Variants in ARHGEF10 observed in about 807,000 individuals in gnomAD.
ARHGEF10 encodes the protein Rho guanine nucleotide exchange factor 10, also known as Rho guanine nucleotide exchange factor (GEF) 10.
A neutral mutation model predicts 147.4 loss-of-function variants in ARHGEF10; 140 were observed. That is an observed-to-expected ratio of 0.95 (90% CI 0.83 to 1.09). The LOEUF (loss-of-function observed/expected upper bound fraction) is 1.09, where lower values mean the gene tolerates loss of function less well. Among genes scored for constraint, ARHGEF10 ranks in the 50% least tolerant of loss-of-function variants. ARHGEF10 has a pLI of 0.00. For missense variants in ARHGEF10, 2,222 were observed against 1,752.7 expected, an observed-to-expected ratio of 1.27 and a Z score of -4.78; for synonymous variants, 902 against 695.8, an observed-to-expected ratio of 1.30 and a Z score of -4.67.
intron 7 of ARHGEF10, chr8:1,876,227 A>T: frequency 2.9e-6 from 1 of 347,490 alleles, no homozygotes; most frequent in Non-Finnish European, 5.4e-6. Flanking sequence ...GTTTATATAA[A>T]GGAAGATTTT....
intron 19 of ARHGEF10, 173 bp downstream of exon 19, chr8:1,923,252 T>A: frequency 1.1e-6 from 1 of 884,150 alleles, no homozygotes; most frequent in Non-Finnish European, 1.7e-6. Flanking sequence ...TAATGGTAAC[T>A]TTTCTTCATT....
intron 1 of ARHGEF10, 113 bp from the exon 2 acceptor site, chr8:1,843,240 G>T: frequency 1.3e-6 from 1 of 746,352 alleles, no homozygotes; most frequent in East Asian, 2.7e-5. Flanking sequence ...ATTATGGCTA[G>T]TAATGACAGT....
chr8:1,878,096 C>T (rs372817442), intron 8 of ARHGEF10, among the ~76,000 whole-genome samples: 159 of 152,268 alleles, frequency 1.0e-3, no homozygotes, highest in African/African-American at 3.6e-3. Context: ...TACCCAGTTT[C>T]ATTCACAAGT....
At chr8:1,882,428 C>T (rs1036675264) in intron 9 of ARHGEF10, among the ~76,000 whole-genome samples, 1 of 152,198 alleles carries the variant, frequency 6.6e-6, no homozygotes, top group African/African-American at 2.4e-5. Flanking sequence ...CATGTTTCAC[C>T]ATGTCCAGGA....
At chr8:1,886,614 G>T (rs1411704469) in intron 11 of ARHGEF10, among the ~76,000 whole-genome samples, 3 of 152,216 alleles carry the variant, frequency 2.0e-5, no homozygotes, top group African/African-American at 7.2e-5. Context: ...ACGAGTGACG[G>T]GATGGAGTGT....
At chr8:1,943,246 T>C (rs1446091941) in intron 26 of ARHGEF10, among the ~76,000 whole-genome samples, 1 of 152,158 alleles carries the variant, frequency 6.6e-6, no homozygotes, top group Non-Finnish European at 1.5e-5. Flanking sequence ...TTCTTTTTAA[T>C]TTGAGTGAGA....
chr8:1,956,911 C>T lies in ARHGEF10; in HGVS notation c.3683C>T (p.Ala1228Val), dbSNP rs1047830802. The change falls in exon 29 of 29, where the codon GCT becomes GTT. Residue 1228 changes from alanine (A) to valine (V), a missense_variant. By Grantham distance (64) the Ala-to-Val change is moderately conservative. Coordinates refer to ENST00000349830, the MANE Select transcript of ARHGEF10 (RefSeq NM_014629.4). ...DQKDALPSGG[A>V]GSSLSQGDPD... ...AAGGACGCACTTCCGAGTGGAGGAG[C>T]TGGTTCATCTCTGAGCCAGGGTGAC... The T allele has an allele frequency of 6.2e-7, 1 of 1,614,186 alleles. No individual in the cohort carries two copies. Among genetic ancestry groups the T allele is most frequent in the Non-Finnish European group, 8.5e-7 (1 of 1,180,038 alleles).
At chr8:1,855,590 A>T (rs962587967) in intron 2 of ARHGEF10, among the ~76,000 whole-genome samples, 2 of 150,580 alleles carry the variant, frequency 1.3e-5, no homozygotes, top group Non-Finnish European at 3.0e-5. Context: ...GGGTTTCACT[A>T]TGTTGTCCAG....
intron 25 of ARHGEF10, among the ~76,000 whole-genome samples, chr8:1,933,200 C>T (rs1813290884): frequency 6.6e-6 from 1 of 152,136 alleles, no homozygotes; most frequent in Admixed American, 6.5e-5. Flanking sequence ...ATTTTGATTT[C>T]TTAAAGTATT....
rs1163770872 is a variant in ARHGEF10, at chr8:1,858,009, A to C, written c.87A>C (p.Glu29Asp). Residue 29 changes from glutamate to aspartate, a missense_variant, in exon 3 of 29, where the codon GAA becomes GAC. By Grantham distance (45) the Glu-to-Asp change is conservative (BLOSUM62 2). Transcript: ENST00000349830. Reference protein sequence around the residue: ...DTNNNEEEEGEQFDFDSGDEI... With the variant: ...DTNNNEEEEGDQFDFDSGDEI... ...ATAATAATGAAGAGGAAGAGGGAGA[A>C]CAGTTCGATTTTGACAGTGGAGATG... 3 of 1,614,028 alleles carry C rather than the reference A, an allele frequency of 1.9e-6. No homozygotes were observed. Among genetic ancestry groups the C allele is most frequent in the Non-Finnish European group, 2.5e-6 (3 of 1,180,014 alleles).
chr8:1,889,884 A>C lies in ARHGEF10; in HGVS notation c.1183-3685A>C, dbSNP rs1469382437. Among the ~76,000 whole-genome samples the C allele has an allele frequency of 2.2e-5, 3 of 139,068 alleles. 1 individual carries two copies. Among genetic ancestry groups the C allele is most frequent in the African/African-American group, 8.7e-5 (3 of 34,422 alleles). 91.2% of individuals were successfully genotyped at this position (139,068 alleles called of 152,430 possible). Reference sequence around the variant, plus strand: ...ACACTGAGTGTGGTGAGGGTTTGTGAGGAGACACTGCATGGGGTGAACTTT... The same window carrying C: ...ACACTGAGTGTGGTGAGGGTTTGTGCGGAGACACTGCATGGGGTGAACTTT... On this transcript the variant is annotated intron_variant, in intron 11 of 28. Coordinates refer to ENST00000349830, the MANE Select transcript of ARHGEF10 (RefSeq NM_014629.4).
At chr8:1,946,015 C>T in intron 27 of ARHGEF10, 2 of 422,232 alleles carry the variant, frequency 4.7e-6, no homozygotes, top group African/African-American at 2.0e-5. Flanking sequence ...GGCTGAAGAA[C>T]ACAGAACAGG....
chr8:1,929,911 T>G (rs1812985663), intron 25 of ARHGEF10, among the ~76,000 whole-genome samples: 1 of 152,194 alleles, frequency 6.6e-6, no homozygotes, highest in African/African-American at 2.4e-5. Flanking sequence ...CTGGGTGCCT[T>G]AGACGAGGCC....
chr8:1,935,916 G>A (rs1478373618), intron 26 of ARHGEF10, among the ~76,000 whole-genome samples: 3 of 152,218 alleles, frequency 2.0e-5, no homozygotes, highest in South Asian at 2.1e-4. Context: ...AACACTGTCC[G>A]AGCTCACTCC....
At chr8:1,875,209 G>A (rs1807586479) in intron 7 of ARHGEF10, among the ~76,000 whole-genome samples, 1 of 140,908 alleles carries the variant, frequency 7.1e-6, no homozygotes, top group African/African-American at 2.7e-5. Context: ...CGGGGATAGA[G>A]GTTCTAAGAC....
At chr8:1,955,484 G>T (rs1477002097) in intron 28 of ARHGEF10, among the ~76,000 whole-genome samples, 1 of 146,704 alleles carries the variant, frequency 6.8e-6, no homozygotes, top group Non-Finnish European at 1.5e-5. Context: ...CATCCTGAAA[G>T]GAAGTGCACT....
rs551092785 is a variant in ARHGEF10 at position 1,840,879 on chromosome 8, G to A, written c.-47-2474G>A. On this transcript the variant is annotated intron_variant, in intron 1 of 28. Coordinates refer to ENST00000349830, the MANE Select transcript of ARHGEF10 (RefSeq NM_014629.4). ...TCACGGGTGCTGCTGGGGTGGAGAGGGTGGGCCCCTACCGCCTCACGGGTG... is the reference window on the plus strand; with the variant it reads ...TCACGGGTGCTGCTGGGGTGGAGAGAGTGGGCCCCTACCGCCTCACGGGTG... 4.6e-5 allele frequency among the ~76,000 whole-genome samples: 7 copies of A among 152,292 alleles called. No individual in the cohort carries two copies. In the South Asian group the frequency reaches 1.2e-3, roughly 27 times the overall value.
chr8:1,894,443 G>A lies in ARHGEF10; in HGVS notation c.1311G>A (p.Arg437=). The A allele has an allele frequency of 1.9e-6, 3 of 1,614,232 alleles. No individual in the cohort carries two copies. The highest frequency in any genetic ancestry group is 2.5e-6 in the Non-Finnish European group (3 of 1,180,052). Reference sequence around the variant, plus strand: ...TGGAGCCAAAGGTTCTGAGTGAGAGGAAGCTGAAGACGGTGTTCTACCGAG... The same window carrying A: ...TGGAGCCAAAGGTTCTGAGTGAGAGAAAGCTGAAGACGGTGTTCTACCGAG... ...SEMEPKVLSE[R]KLKTVFYRVK... Residue 437 remains arginine (R), a synonymous_variant, in exon 13 of 29, where the codon AGG becomes AGA. Transcript: ENST00000349830.
At chr8:1,944,482 G>A (rs1009741012) in intron 26 of ARHGEF10, among the ~76,000 whole-genome samples, 7 of 152,238 alleles carry the variant, frequency 4.6e-5, no homozygotes, top group East Asian at 3.9e-4. Flanking sequence ...TGGGCGCGGC[G>A]TAGTGCCGCA....
Sources: gnomAD v4.1 joint callset for allele counts (sites outside exome capture counted in the v4.1 genomes callset) on GRCh38, gnomAD v4.1.1 for gene constraint, MANE v1.5 for transcripts, NCBI Gene and HGNC (gene_info 2026-07-23, HGNC 2026-07-21) for gene names.